The following CNTNAP2 variants were observed in gnomAD, a reference collection of about 807,000 sequenced individuals.
CNTNAP2 encodes contactin-associated protein-like 2.
In CNTNAP2, 98 loss-of-function variants were observed where a neutral mutation model predicts 155.2. That is an observed-to-expected ratio of 0.63 (90% CI 0.54 to 0.75). The LOEUF (loss-of-function observed/expected upper bound fraction) is 0.75. Among genes scored for constraint, CNTNAP2 ranks in the 30% least tolerant of loss-of-function variants. CNTNAP2 has a pLI of 0.00. For missense variants in CNTNAP2, 1,727 were observed against 1,688.1 expected (o/e 1.02, Z -0.40); for synonymous variants, 651 against 631.2 (o/e 1.03, Z -0.47).
At position 148,229,639 on chromosome 7, in the gene CNTNAP2, T is replaced by C. The variant is rs1410095795; in HGVS notation, c.3248-7T>C. ...CAAATTACTGAGCTTTCTTTTTTCT[T>C]CTATAGGAAGCTTACAGATTCGATA... is the stretch of plus-strand genomic sequence containing the variant. On this transcript the variant is annotated splice_polypyrimidine_tract_variant and splice_region_variant and intron_variant, in intron 19 of 23. Transcript: ENST00000361727. 1 of 1,613,974 alleles carries C rather than the reference T, an allele frequency of 6.2e-7. No individual in the cohort carries two copies. Among genetic ancestry groups the C allele is most frequent in the African/African-American group, 1.3e-5 (1 of 74,900 alleles).
At chr7:146,194,667 T>A (rs1481850622) in intron 1 of CNTNAP2, among the ~76,000 whole-genome samples, 2 of 152,206 alleles carry the variant, frequency 1.3e-5, no homozygotes, top group African/African-American at 4.8e-5. Flanking sequence ...TCTTTGCTTT[T>A]TATCCATACA....
At chr7:147,248,913 G>A (rs1804124564) in intron 8 of CNTNAP2, among the ~76,000 whole-genome samples, 1 of 152,152 alleles carries the variant, frequency 6.6e-6, no homozygotes, top group East Asian at 1.9e-4. Context: ...ATTGAGTCAG[G>A]ACGAAGCACA....
intron 17 of CNTNAP2, among the ~76,000 whole-genome samples, chr7:148,161,714 G>A (rs1352521927): frequency 6.6e-6 from 1 of 152,152 alleles, no homozygotes; most frequent in East Asian, 1.9e-4. Context: ...TGAAGTGTCT[G>A]TCTCAAAAAT....
At chr7:147,898,092 A>G (rs1355414540) in intron 13 of CNTNAP2, among the ~76,000 whole-genome samples, 1 of 152,212 alleles carries the variant, frequency 6.6e-6, no homozygotes, top group Admixed American at 6.5e-5. Context: ...GGTGCCAAAA[A>G]TGGTCATGCC....
At chr7:147,981,779 C>T (rs1801533533) in intron 15 of CNTNAP2, among the ~76,000 whole-genome samples, 1 of 135,566 alleles carries the variant, frequency 7.4e-6, no homozygotes. Context: ...ATGCTTATGT[C>T]CTTACAGGTG....
chr7:147,164,219 A>G (rs1157961143), intron 8 of CNTNAP2, among the ~76,000 whole-genome samples: 1 of 152,244 alleles, frequency 6.6e-6, no homozygotes, highest in African/African-American at 2.4e-5. Context: ...TTTGAAAGCC[A>G]GGTGTGACAG....
At chr7:147,717,396 C>G (rs1796497080) in intron 13 of CNTNAP2, among the ~76,000 whole-genome samples, 1 of 152,034 alleles carries the variant, frequency 6.6e-6, no homozygotes, top group South Asian at 2.1e-4. Context: ...CAGCAGTATC[C>G]TCACCTAATT....
rs116824888 is a variant in CNTNAP2 at position 146,557,286 on chromosome 7, G to C, written c.98-216985G>C. On this transcript the variant is annotated intron_variant, in intron 1 of 23. Coordinates refer to ENST00000361727, the MANE Select transcript of CNTNAP2 (RefSeq NM_014141.6). ...TAAAAGGAGAGGACTAAGAAGACAG[G>C]GGCAGTATGTACTATATTGTTACCC... 4.6e-3 allele frequency among the ~76,000 whole-genome samples: 704 copies of C among 152,008 alleles called. 13 individuals carry two copies. Among genetic ancestry groups the C allele is most frequent in the African/African-American group, 0.016 (657 of 41,386 alleles).
chr7:146,796,118 T>C (rs1006855741), intron 2 of CNTNAP2, among the ~76,000 whole-genome samples: 3 of 152,074 alleles, frequency 2.0e-5, no homozygotes, highest in African/African-American at 7.2e-5. Flanking sequence ...TATATGCATA[T>C]ATGATAAAAC....
intron 13 of CNTNAP2, among the ~76,000 whole-genome samples, chr7:147,794,333 T>A (rs1797860263): frequency 6.6e-6 from 1 of 151,970 alleles, no homozygotes; most frequent in Non-Finnish European, 1.5e-5. Context: ...TTCCTTCTAT[T>A]TCTAACTTGT....
intron 3 of CNTNAP2, among the ~76,000 whole-genome samples, chr7:146,936,335 C>T (rs765876368): frequency 1.2e-4 from 18 of 152,122 alleles, no homozygotes; most frequent in Non-Finnish European, 2.2e-4. Context: ...CTAGAACAGA[C>T]GAGGTTTTGT....
chr7:147,528,294 T>C (rs959478682), intron 11 of CNTNAP2, among the ~76,000 whole-genome samples: 2 of 152,218 alleles, frequency 1.3e-5, no homozygotes, highest in African/African-American at 2.4e-5. Flanking sequence ...TAAGGCAGAC[T>C]GCATGGGTTA....
chr7:148,083,984 G>A (rs1295633155), intron 15 of CNTNAP2, among the ~76,000 whole-genome samples: 3 of 152,188 alleles, frequency 2.0e-5, no homozygotes, highest in Non-Finnish European at 4.4e-5. Context: ...CTCCGTAGGT[G>A]ACCATAGATG....
chr7:147,440,976 A>G (rs564177706), intron 10 of CNTNAP2, among the ~76,000 whole-genome samples: 13 of 152,098 alleles, frequency 8.5e-5, no homozygotes, highest in African/African-American at 2.9e-4. Flanking sequence ...TTGTTCGATA[A>G]TCTTCTTGTA....
chr7:148,127,216 G>T (rs1015580595), intron 16 of CNTNAP2, among the ~76,000 whole-genome samples: 3 of 152,118 alleles, frequency 2.0e-5, no homozygotes, highest in African/African-American at 4.8e-5. Context: ...GAGGAACAAG[G>T]ATCACTTGAA....
chr7:146,318,132 C>G (rs568129044), intron 1 of CNTNAP2, among the ~76,000 whole-genome samples: 66 of 145,568 alleles, frequency 4.5e-4, no homozygotes, highest in Admixed American at 1.4e-3. Flanking sequence ...CAGAGCAAGA[C>G]TCCATCTCAA....
In CNTNAP2 at chr7:148,371,303, G is replaced by GGTA. The variant is rs557879445; in HGVS notation, c.3476-12345_3476-12343dup. On this transcript the variant is annotated intron_variant, in intron 21 of 23. Coordinates refer to ENST00000361727, the MANE Select transcript of CNTNAP2 (RefSeq NM_014141.6). ...TTACCAGGTGTGTCCTATACAATTT[G>GGTA]GTATTGAAGGTGATTGGGGTGGGGG... Among the ~76,000 whole-genome samples the GGTA allele has an allele frequency of 3.6e-3, 542 of 152,256 alleles. 4 individuals carry two copies. Among genetic ancestry groups the GGTA allele is most frequent in the African/African-American group, 0.013 (524 of 41,558 alleles).
intron 12 of CNTNAP2, among the ~76,000 whole-genome samples, chr7:147,626,571 C>G (rs1363844248): frequency 2.6e-5 from 4 of 152,132 alleles, no homozygotes; most frequent in African/African-American, 9.7e-5. Context: ...AAGATAAACT[C>G]TTGGGAGCTT....
chr7:148,415,700 T>A lies in CNTNAP2; in HGVS notation c.*84T>A. 1 of 1,473,946 alleles carries A rather than the reference T, an allele frequency of 6.8e-7. No individual in the cohort carries two copies. Among genetic ancestry groups the A allele is most frequent in the East Asian group, 2.3e-5 (1 of 43,782 alleles). 91.3% of individuals were successfully genotyped at this position (1,473,946 alleles called of 1,614,324 possible). On this transcript the variant is annotated 3_prime_UTR_variant, in exon 24 of 24. Coordinates refer to ENST00000361727, the MANE Select transcript of CNTNAP2 (RefSeq NM_014141.6). ...GACAAAAGCACCCTGCTTCATACTC[T>A]TGAGCACATCCTTAAAATATCAGCA...
Sources: gnomAD v4.1 joint callset for allele counts (sites outside exome capture counted in the v4.1 genomes callset) on GRCh38, gnomAD v4.1.1 for gene constraint, MANE v1.5 for transcripts, NCBI Gene and HGNC (gene_info 2026-07-23, HGNC 2026-07-21) for gene names.